Variants in LINGO2 observed in about 807,000 individuals in gnomAD.
LINGO2 encodes leucine rich repeat and Ig domain containing 2, also known as leucine-rich repeat and immunoglobulin-like domain-containing nogo receptor-interacting protein 2.
A neutral mutation model predicts 30.6 loss-of-function variants in LINGO2; 14 were observed. The observed-to-expected ratio is 0.46, with a 90% CI of 0.30 to 0.72. The LOEUF (loss-of-function observed/expected upper bound fraction) is 0.72. Among genes scored for constraint, LINGO2 ranks in the 30% least tolerant of loss-of-function variants. LINGO2 has a pLI of 0.07. For synonymous variants in LINGO2, 317 were observed against 288.5 expected, an observed-to-expected ratio of 1.10 and a Z score of -1.00; for missense variants, 729 against 751.7, an observed-to-expected ratio of 0.97 and a Z score of 0.35.
At position 28,277,322 on chromosome 9, in the gene LINGO2, A is replaced by C. The variant is rs114461200; in HGVS notation, c.-87+17886T>G. 2.8e-3 allele frequency among the ~76,000 whole-genome samples: 433 copies of C among 152,202 alleles called. 3 individuals carry two copies. Among genetic ancestry groups the C allele is most frequent in the African/African-American group, 1.0e-2 (415 of 41,522 alleles). On this transcript the variant is annotated intron_variant, in intron 4 of 5. Transcript: ENST00000379992. ...CAAATCGTACCCACATAGGAGGCAA[A>C]CTTAACCGATAAATGTATGTGTTCT...
chr9:27,962,014 G>GC (rs1353855714), intron 5 of LINGO2, among the ~76,000 whole-genome samples: 2 of 152,126 alleles, frequency 1.3e-5, no homozygotes, highest in Admixed American at 6.5e-5. Flanking sequence ...TGTGTGGGGT[G>GC]CCTGGGCAGA....
At chr9:28,984,843 T>TTCAA in the LINGO2 span, among the ~76,000 whole-genome samples, 36 of 152,112 alleles carry the variant, frequency 2.4e-4, no homozygotes, top group Admixed American at 2.3e-3. Context: ...TACCCATCAC[T>TTCAA]TCAAGTATTT....
chr9:28,692,967 T>G, the LINGO2 span, among the ~76,000 whole-genome samples: 1 of 152,144 alleles, frequency 6.6e-6, no homozygotes, highest in East Asian at 1.9e-4. Flanking sequence ...GTTTATTATA[T>G]TAAGGTATTT....
the LINGO2 span, among the ~76,000 whole-genome samples, chr9:29,055,938 G>GTATATATATATATATTTATA: frequency 1.0e-5 from 1 of 99,820 alleles, no homozygotes; most frequent in African/African-American, 4.1e-5. Flanking sequence ...GTATGTGTGT[G>GTATATATATATATATTTATA]TGTATATATA....
chr9:28,577,741 A>C (rs1364239387), intron 1 of LINGO2, among the ~76,000 whole-genome samples: 1 of 152,210 alleles, frequency 6.6e-6, no homozygotes, highest in Non-Finnish European at 1.5e-5. Context: ...AAATAGGTGC[A>C]ATACGCATTC....
At chr9:28,666,544 C>G (rs1828807383) in intron 1 of LINGO2, among the ~76,000 whole-genome samples, 1 of 152,094 alleles carries the variant, frequency 6.6e-6, no homozygotes, top group Non-Finnish European at 1.5e-5. Flanking sequence ...AATTGTTAGG[C>G]TCTAGTTCAA....
chr9:29,074,923 G>A, the LINGO2 span, among the ~76,000 whole-genome samples: 8 of 151,532 alleles, frequency 5.3e-5, no homozygotes, highest in South Asian at 6.2e-4. Context: ...TGATCCGCCC[G>A]CCTCGGCCTC....
chr9:28,042,200 C>T (rs1165977478), intron 4 of LINGO2, among the ~76,000 whole-genome samples: 3 of 152,164 alleles, frequency 2.0e-5, no homozygotes, highest in African/African-American at 7.2e-5. Context: ...CATTTGCTTT[C>T]AATTTAAAAC....
At chr9:29,209,512 A>G in the LINGO2 span, among the ~76,000 whole-genome samples, 1 of 152,156 alleles carries the variant, frequency 6.6e-6, no homozygotes. Context: ...GGGAAGAAGA[A>G]AAGGAAGGAA....
At chr9:27,981,231 C>T (rs1287558715) in intron 5 of LINGO2, among the ~76,000 whole-genome samples, 1 of 151,714 alleles carries the variant, frequency 6.6e-6, no homozygotes, top group African/African-American at 2.4e-5. Context: ...TTTACACATC[C>T]ATTATGTGCC....
chr9:28,394,065 T>A (rs1301821273), intron 2 of LINGO2, among the ~76,000 whole-genome samples: 2 of 152,116 alleles, frequency 1.3e-5, no homozygotes. Context: ...ATAAATTTCC[T>A]GCAATATAAT....
rs181687029 is a variant in LINGO2, at chr9:28,644,383, T to C, written c.-365+25817A>G. ...CATAAAAAAGAATGAGATCCTGTCG[T>C]TTGCAAGAAGGTTCCTGGCTAAGTG... On this transcript the variant is annotated intron_variant, in intron 1 of 5. Coordinates refer to ENST00000379992, the Ensembl canonical transcript of LINGO2. Among the ~76,000 whole-genome samples the C allele has an allele frequency of 3.8e-3, 582 of 151,960 alleles. 3 individuals carry two copies. The highest frequency in any genetic ancestry group is 6.4e-3 in the Non-Finnish European group (435 of 67,900).
chr9:28,021,461 T>C (rs1054709778), intron 4 of LINGO2, among the ~76,000 whole-genome samples: 1 of 152,136 alleles, frequency 6.6e-6, no homozygotes, highest in African/African-American at 2.4e-5. Flanking sequence ...GAATGTATAT[T>C]TTCCTGTTGC....
At chr9:28,292,187 C>G (rs918451369) in intron 4 of LINGO2, among the ~76,000 whole-genome samples, 1 of 152,152 alleles carries the variant, frequency 6.6e-6, no homozygotes, top group Non-Finnish European at 1.5e-5. Flanking sequence ...AGAGTGTGAT[C>G]GGGAGCCAGC....
chr9:28,159,789 G>A (rs1453886166), intron 4 of LINGO2, among the ~76,000 whole-genome samples: 2 of 152,232 alleles, frequency 1.3e-5, no homozygotes, highest in South Asian at 2.1e-4. Context: ...AACTATAAAC[G>A]ATAAACATTA....
At chr9:28,533,470 C>T (rs1301033490) in intron 1 of LINGO2, among the ~76,000 whole-genome samples, 1 of 152,132 alleles carries the variant, frequency 6.6e-6, no homozygotes, top group African/African-American at 2.4e-5. Context: ...TTCTGTCCCT[C>T]TAGAGAACCC....
the LINGO2 span, among the ~76,000 whole-genome samples, chr9:29,165,426 G>A: frequency 6.6e-6 from 1 of 151,820 alleles, no homozygotes; most frequent in Non-Finnish European, 1.5e-5. Flanking sequence ...GTGGTAAGCT[G>A]GATAACCCAG....
chr9:28,959,610 C>CACACACA, the LINGO2 span, among the ~76,000 whole-genome samples: 14 of 141,712 alleles, frequency 9.9e-5, no homozygotes, highest in African/African-American at 3.8e-4. Context: ...TCTCTCTCTC[C>CACACACA]CTCACACACA....
intron 1 of LINGO2, among the ~76,000 whole-genome samples, chr9:28,550,830 G>A (rs1349347615): frequency 6.6e-6 from 1 of 151,862 alleles, no homozygotes; most frequent in Admixed American, 6.6e-5. Context: ...CATATAGCAT[G>A]ATATAAATTT....
Sources: allele counts gnomAD v4.1 joint callset (sites outside exome capture counted in the v4.1 genomes callset), GRCh38; gene constraint gnomAD v4.1.1; transcripts MANE v1.5; gene names NCBI Gene and HGNC (gene_info 2026-07-23, HGNC 2026-07-21).